The following PDE4B variants were observed in gnomAD, a reference collection of about 807,000 sequenced individuals.
PDE4B encodes the protein phosphodiesterase 4B.
A neutral mutation model predicts 82.2 loss-of-function variants in PDE4B; 20 were observed. That is an observed-to-expected ratio of 0.24 (90% CI 0.17 to 0.35). The LOEUF (loss-of-function observed/expected upper bound fraction) is 0.35, where lower values mean the gene tolerates loss of function less well. Ranked by LOEUF, PDE4B falls within the 10% of genes least tolerant of loss-of-function variation. The pLI is 1.00. For missense variants in PDE4B, 655 were observed against 907.2 expected, an observed-to-expected ratio of 0.72 and a Z score of 3.57; for synonymous variants, 320 against 318.9, an observed-to-expected ratio of 1.00 and a Z score of -0.04.
chr1:66,276,269 CT>C (rs1364504778), intron 7 of PDE4B, among the ~76,000 whole-genome samples: 2 of 152,344 alleles, frequency 1.3e-5, no homozygotes, highest in African/African-American at 4.8e-5. Flanking sequence ...ATTATTGCCC[CT>C]ATTTCACATA....
At chr1:66,186,399 G>C (rs1324993536) in intron 3 of PDE4B, among the ~76,000 whole-genome samples, 1 of 152,172 alleles carries the variant, frequency 6.6e-6, no homozygotes, top group African/African-American at 2.4e-5. Context: ...GATGGAGATA[G>C]CATCGAATCT....
intron 1 of PDE4B, among the ~76,000 whole-genome samples, chr1:65,827,398 G>C (rs1255501148): frequency 6.6e-6 from 1 of 152,086 alleles, no homozygotes; most frequent in Non-Finnish European, 1.5e-5. Context: ...GGAAAAGTTA[G>C]ACAACATGTA....
intron 1 of PDE4B, among the ~76,000 whole-genome samples, chr1:65,878,277 T>C (rs1015784763): frequency 2.6e-5 from 4 of 152,178 alleles, no homozygotes; most frequent in African/African-American, 9.6e-5. Flanking sequence ...TTTTACATTG[T>C]TGGAGGGAGT....
chr1:66,367,933 T>C lies in PDE4B; in HGVS notation c.1540-10T>C, dbSNP rs1397847836. 4 of 1,613,094 alleles carry C rather than the reference T, an allele frequency of 2.5e-6. No individual in the cohort carries two copies. The Admixed American group carries it at 5.0e-5, about 20-fold the overall frequency. ...ATTTATTAAGAGTTTTCATTTTCTTTTTACCCAAGGTGTTAGCAACTGATA... is the reference window on the plus strand; with the variant it reads ...ATTTATTAAGAGTTTTCATTTTCTTCTTACCCAAGGTGTTAGCAACTGATA... On this transcript the variant is annotated splice_polypyrimidine_tract_variant and intron_variant, in intron 14 of 16. Transcript: ENST00000341517.
At chr1:65,932,541 C>T (rs912764995) in intron 3 of PDE4B, among the ~76,000 whole-genome samples, 2 of 151,836 alleles carry the variant, frequency 1.3e-5, no homozygotes, top group African/African-American at 4.8e-5. Flanking sequence ...AATATACCAA[C>T]CCTACACAAA....
intron 8 of PDE4B, among the ~76,000 whole-genome samples, chr1:66,341,617 C>T (rs1660988247): frequency 6.6e-6 from 1 of 152,110 alleles, no homozygotes. Context: ...TCACTCATTC[C>T]AATGTCAAAG....
At chr1:65,848,529 G>A (rs1646293225) in intron 1 of PDE4B, among the ~76,000 whole-genome samples, 1 of 152,066 alleles carries the variant, frequency 6.6e-6, no homozygotes, top group Non-Finnish European at 1.5e-5. Context: ...AGAGTCTCTT[G>A]TGCCAACTTC....
At chr1:66,210,008 C>A (rs2101571411) in intron 3 of PDE4B, among the ~76,000 whole-genome samples, 2 of 152,210 alleles carry the variant, frequency 1.3e-5, no homozygotes, top group South Asian at 4.1e-4. Context: ...TTTATTGGCT[C>A]ATCCACTGTT....
intron 3 of PDE4B, among the ~76,000 whole-genome samples, chr1:66,101,735 C>T (rs1383431883): frequency 2.0e-5 from 3 of 152,066 alleles, no homozygotes; most frequent in Non-Finnish European, 2.9e-5. Flanking sequence ...GATATTAGCC[C>T]TTTGTCAGAT....
At chr1:66,218,069 A>G (rs1650645266) in intron 3 of PDE4B, among the ~76,000 whole-genome samples, 1 of 152,160 alleles carries the variant, frequency 6.6e-6, no homozygotes, top group African/African-American at 2.4e-5. Context: ...GGGAATCAGC[A>G]TTAGCCTGGT....
chr1:66,325,628 A>G (rs1053105845), intron 7 of PDE4B, among the ~76,000 whole-genome samples: 2 of 152,228 alleles, frequency 1.3e-5, no homozygotes, highest in African/African-American at 4.8e-5. Flanking sequence ...ACTTAAGACA[A>G]ATGTCAAGAA....
intron 3 of PDE4B, among the ~76,000 whole-genome samples, chr1:66,191,708 A>AG (rs1647822558): frequency 6.6e-6 from 1 of 152,172 alleles, no homozygotes; most frequent in African/African-American, 2.4e-5. Flanking sequence ...CTGCTGATAA[A>AG]GACATACCCG....
rs563570262 is a variant in PDE4B at position 66,067,048 on chromosome 1, A to G, written c.281+148213A>G. Among the ~76,000 whole-genome samples, 10 of 152,172 alleles carry G rather than the reference A, an allele frequency of 6.6e-5. No homozygotes were observed. In the South Asian group the frequency reaches 1.7e-3, roughly 25 times the overall value. Reference sequence around the variant, plus strand: ...GTAGATTGCTGAAGCTAAGAAACCTATAAGACACAGCAACCACATTTTCTT... The same window carrying G: ...GTAGATTGCTGAAGCTAAGAAACCTGTAAGACACAGCAACCACATTTTCTT... On this transcript the variant is annotated intron_variant, in intron 3 of 16. Coordinates refer to ENST00000341517, the MANE Select transcript of PDE4B (RefSeq NM_002600.4).
chr1:66,031,283 A>C (rs988229991), intron 3 of PDE4B, among the ~76,000 whole-genome samples: 1 of 152,200 alleles, frequency 6.6e-6, no homozygotes, highest in Admixed American at 6.5e-5. Context: ...AAACCCAATT[A>C]ATATTCTTTC....
chr1:65,795,970 G>A (rs1645627704), intron 1 of PDE4B, among the ~76,000 whole-genome samples: 1 of 152,216 alleles, frequency 6.6e-6, no homozygotes, highest in Non-Finnish European at 1.5e-5. Context: ...ATATGATATA[G>A]AAGATGCATA....
At chr1:65,954,818 C>A (rs1649176235) in intron 3 of PDE4B, among the ~76,000 whole-genome samples, 1 of 152,006 alleles carries the variant, frequency 6.6e-6, no homozygotes, top group South Asian at 2.1e-4. Context: ...TAAATATTTT[C>A]TATTTCCTTT....
chr1:65,841,448 T>C lies in PDE4B; in HGVS notation c.-71+48200T>C, dbSNP rs79092107. Among the ~76,000 whole-genome samples the C allele has an allele frequency of 3.6e-3, 543 of 152,170 alleles. 3 individuals are homozygous for C. Among genetic ancestry groups the C allele is most frequent in the African/African-American group, 0.013 (519 of 41,504 alleles). ...CATTTCTAGTTATGTTAATGCTTAG[T>C]ATAGAGGAGTCTGGGGTAAGGTACC... On this transcript the variant is annotated intron_variant, in intron 1 of 16. Coordinates refer to ENST00000341517, the MANE Select transcript of PDE4B (RefSeq NM_002600.4).
intron 7 of PDE4B, among the ~76,000 whole-genome samples, chr1:66,277,968 C>T (rs1267425775): frequency 1.3e-5 from 2 of 152,152 alleles, no homozygotes; most frequent in Non-Finnish European, 2.9e-5. Flanking sequence ...ATAATAGAAC[C>T]TTCTGCATAG....
chr1:66,239,678 T>C (rs1490049393), intron 3 of PDE4B, among the ~76,000 whole-genome samples: 1 of 152,146 alleles, frequency 6.6e-6, no homozygotes, highest in Non-Finnish European at 1.5e-5. Context: ...TTAAATAGTA[T>C]GACATAGGAA....
Sources: gnomAD v4.1 joint callset for allele counts (sites outside exome capture counted in the v4.1 genomes callset) on GRCh38, gnomAD v4.1.1 for gene constraint, MANE v1.5 for transcripts, NCBI Gene and HGNC (gene_info 2026-07-23, HGNC 2026-07-21) for gene names.